The following ENPP2 variants were observed in gnomAD, a reference collection of about 807,000 sequenced individuals.
The protein encoded by ENPP2 is autotaxin.
Under a neutral mutation model 120.2 loss-of-function variants are expected in ENPP2, and 51 were observed. That is an observed-to-expected ratio of 0.42 (90% CI 0.34 to 0.54). The LOEUF (loss-of-function observed/expected upper bound fraction) is 0.54, where lower values mean the gene tolerates loss of function less well. Ranked by LOEUF, ENPP2 falls within the 20% of genes least tolerant of loss-of-function variation. The probability of loss-of-function intolerance (pLI) is 0.04; values close to 1 mark genes in which losing one functional copy is unlikely to be tolerated. For missense variants in ENPP2, 920 were observed against 1,066.5 expected, an observed-to-expected ratio of 0.86 and a Z score of 1.91; for synonymous variants, 365 against 366.4, an observed-to-expected ratio of 1.00 and a Z score of 0.04.
intron 2 of ENPP2, among the ~76,000 whole-genome samples, chr8:119,628,283 A>G (rs2130786337): frequency 6.6e-6 from 1 of 152,294 alleles, no homozygotes; most frequent in South Asian, 2.1e-4. Flanking sequence ...CAGCCTCATA[A>G]CTGTTTCCAG....
At chr8:119,619,421 A>C (rs987323204) in intron 4 of ENPP2, 117 bp from the exon 5 acceptor site, 58 of 637,380 alleles carry the variant, frequency 9.1e-5, no homozygotes, top group African/African-American at 6.4e-4. Flanking sequence ...ATATAACAAA[A>C]AAAAAAAAAA....
intron 8 of ENPP2, among the ~76,000 whole-genome samples, chr8:119,610,507 A>C (rs936478773): frequency 1.3e-5 from 2 of 151,884 alleles, no homozygotes; most frequent in Non-Finnish European, 2.9e-5. Context: ...AGAGAGAGAG[A>C]GAGAGAGAGA....
chr8:119,647,572 T>A (rs940717246), intron 1 of ENPP2, among the ~76,000 whole-genome samples: 1 of 152,200 alleles, frequency 6.6e-6, no homozygotes. Context: ...CATTAAAACT[T>A]TGTTTCCAAA....
intron 11 of ENPP2, among the ~76,000 whole-genome samples, chr8:119,600,063 T>C (rs1254053785): frequency 6.6e-6 from 1 of 150,688 alleles, no homozygotes; most frequent in African/African-American, 2.4e-5. Flanking sequence ...CATTCAGTGG[T>C]ATATTTTTCT....
In ENPP2 at chr8:119,586,248, A is replaced by G. The variant is rs759561915; in HGVS notation, c.1305T>C (p.Tyr435=). 6.2e-6 allele frequency: 10 copies of G among 1,613,986 alleles called. No homozygotes were observed. The South Asian group carries it at 8.8e-5, about 14-fold the overall frequency. Residue 435 remains tyrosine, a synonymous_variant, in exon 15 of 25, where the codon TAT becomes TAC. Coordinates refer to ENST00000075322, the MANE Select transcript of ENPP2 (RefSeq NM_001040092.3). Reference sequence around the variant, plus strand: ...TATCCTCAATTCTTCTGTTGTTGGCATAGTGCAAACGTTTGGGAAGGTGCT... The same window carrying G: ...TATCCTCAATTCTTCTGTTGTTGGCGTAGTGCAAACGTTTGGGAAGGTGCT... The part of the protein sequence containing the change: ...LKQHLPKRLH[Y]ANNRRIEDIH...
At chr8:119,562,792 T>TA (rs1386929450) in intron 24 of ENPP2, 65 bp downstream of exon 24, 1 of 1,449,000 alleles carries the variant, frequency 6.9e-7, no homozygotes, top group Admixed American at 1.8e-5. Context: ...ATGATGGAAA[T>TA]ATAAAGTAAG....
At chr8:119,625,138 G>A (rs1273725683) in intron 3 of ENPP2, among the ~76,000 whole-genome samples, 3 of 152,124 alleles carry the variant, frequency 2.0e-5, no homozygotes, top group African/African-American at 7.2e-5. Context: ...AGGTAAGGAG[G>A]AAACATAAAA....
At chr8:119,584,785 C>T (rs1812992543) in intron 15 of ENPP2, among the ~76,000 whole-genome samples, 1 of 152,118 alleles carries the variant, frequency 6.6e-6, no homozygotes, top group South Asian at 2.1e-4. Context: ...GTCATGTGAC[C>T]CTTTTCCAAA....
chr8:119,576,117 G>A (rs1812319291), intron 19 of ENPP2, among the ~76,000 whole-genome samples: 1 of 152,126 alleles, frequency 6.6e-6, no homozygotes, highest in African/African-American at 2.4e-5. Flanking sequence ...AAGTTAACAA[G>A]AATTACTAGT....
chr8:119,608,699 T>C (rs1814893193), intron 8 of ENPP2, among the ~76,000 whole-genome samples: 2 of 151,310 alleles, frequency 1.3e-5, no homozygotes, highest in Admixed American at 1.3e-4. Context: ...TTACCAGCCA[T>C]GTAGTCCTTT....
chr8:119,611,642 T>C (rs1454496880), intron 8 of ENPP2, among the ~76,000 whole-genome samples: 1 of 152,200 alleles, frequency 6.6e-6, no homozygotes, highest in African/African-American at 2.4e-5. Context: ...AGCCAGGCTC[T>C]AGATTGGGTC....
At chr8:119,631,239 C>T (rs1481700578) in intron 2 of ENPP2, among the ~76,000 whole-genome samples, 7 of 79,908 alleles carry the variant, frequency 8.8e-5, no homozygotes, top group East Asian at 4.2e-4. Flanking sequence ...TTTTTTGAGA[C>T]GGAGTCTTGC....
chr8:119,599,864 G>C (rs372388478), intron 11 of ENPP2, among the ~76,000 whole-genome samples: 3 of 152,038 alleles, frequency 2.0e-5, no homozygotes, highest in African/African-American at 7.2e-5. Flanking sequence ...AAAATTAGCC[G>C]AGCATGGTGG....
chr8:119,579,592 C>T (rs1287723372), intron 19 of ENPP2, among the ~76,000 whole-genome samples: 3 of 151,006 alleles, frequency 2.0e-5, no homozygotes, highest in African/African-American at 7.3e-5. Context: ...ATATCATAAG[C>T]TTGCGAAAGT....
chr8:119,673,261 G>A (rs1045880058), exon 1 of ENPP2: 257 of 1,535,040 alleles, frequency 1.7e-4, no homozygotes, highest in Non-Finnish European at 2.2e-4. Context: ...CCCGATCGGC[G>A]TGGCGGGTCA....
At chr8:119,586,679 G>A (rs1813137424) in intron 14 of ENPP2, among the ~76,000 whole-genome samples, 1 of 152,150 alleles carries the variant, frequency 6.6e-6, no homozygotes, top group East Asian at 1.9e-4. Context: ...AGGCTTATCT[G>A]ATTAGATGCT....
At chr8:119,568,303 AG>A in intron 21 of ENPP2, 51 bp from the exon 22 acceptor site, 1 of 875,178 alleles carries the variant, frequency 1.1e-6, no homozygotes, top group Non-Finnish European at 1.7e-6. Flanking sequence ...AATCTATATC[AG>A]TTAAAAAAAA....
At chr8:119,657,337 A>C (rs1011009023) in intron 1 of ENPP2, among the ~76,000 whole-genome samples, 10 of 152,188 alleles carry the variant, frequency 6.6e-5, no homozygotes, top group Non-Finnish European at 1.0e-4. Context: ...GCATCGTTCA[A>C]AGTCCATGAT....
At chr8:119,646,488 C>CA (rs1817471159) in intron 1 of ENPP2, among the ~76,000 whole-genome samples, 1 of 152,156 alleles carries the variant, frequency 6.6e-6, no homozygotes, top group Non-Finnish European at 1.5e-5. Flanking sequence ...TTGAGGACCA[C>CA]TGACCTAGAG....
Sources: allele counts gnomAD v4.1 joint callset (sites outside exome capture counted in the v4.1 genomes callset), GRCh38; gene constraint gnomAD v4.1.1; transcripts MANE v1.5; gene names NCBI Gene and HGNC (gene_info 2026-07-23, HGNC 2026-07-21).